EFCAB5: variants seen among roughly 807,000 people sequenced by gnomAD.
EFCAB5 encodes the protein EF-hand calcium-binding domain-containing protein 5.
Under a neutral mutation model 167.9 loss-of-function variants are expected in EFCAB5, and 131 were observed. The ratio of observed to expected loss-of-function variants is 0.78; its 90% CI spans 0.68 to 0.90. The LOEUF is 0.90. Among genes scored for constraint, EFCAB5 ranks in the 40% least tolerant of loss-of-function variants. EFCAB5 has a pLI of 0.00. For synonymous variants in EFCAB5, 574 were observed against 602.8 expected (o/e 0.95, Z 0.70); for missense variants, 1,663 against 1,745.2 (o/e 0.95, Z 0.84).
intron 4 of EFCAB5, among the ~76,000 whole-genome samples, chr17:29,984,476 T>G (rs2068240393): frequency 6.6e-6 from 1 of 152,034 alleles, no homozygotes; most frequent in African/African-American, 2.4e-5. Flanking sequence ...TCCCAGCACT[T>G]TGGGAGGCCG....
intron 6 of EFCAB5, among the ~76,000 whole-genome samples, chr17:29,997,344 C>T (rs2068568327): frequency 1.3e-5 from 2 of 151,742 alleles, no homozygotes; most frequent in African/African-American, 4.8e-5. Flanking sequence ...AGTAGTCAGA[C>T]ATTTCTACCT....
At chr17:30,092,495 C>A (rs1039928976) in intron 21 of EFCAB5, among the ~76,000 whole-genome samples, 2 of 152,158 alleles carry the variant, frequency 1.3e-5, no homozygotes, top group African/African-American at 4.8e-5. Context: ...TCAAGCAATT[C>A]TCCTGCCTCA....
At chr17:30,073,038 TC>T in intron 14 of EFCAB5, 2 of 598,322 alleles carry the variant, frequency 3.3e-6, no homozygotes, top group Non-Finnish European at 3.0e-6. Flanking sequence ...TCCTGTGTCC[TC>T]CCCTCCCCAT....
chr17:29,955,198 T>A (rs2067589259), intron 3 of EFCAB5, among the ~76,000 whole-genome samples: 1 of 152,004 alleles, frequency 6.6e-6, no homozygotes, highest in South Asian at 2.1e-4. Flanking sequence ...GGATGATTGG[T>A]TTTGGAATGA....
chr17:30,086,922 G>T (rs993224422), intron 18 of EFCAB5, 141 bp from the exon 19 acceptor site: 6 of 614,722 alleles, frequency 9.8e-6, no homozygotes, highest in Non-Finnish European at 1.6e-5. Flanking sequence ...GTTCTCTAAT[G>T]GTACTAAGTA....
chr17:29,949,547 A>T (rs76857953), intron 3 of EFCAB5, among the ~76,000 whole-genome samples: 2 of 152,360 alleles, frequency 1.3e-5, no homozygotes, highest in East Asian at 3.9e-4. Flanking sequence ...AAGGTTTAGG[A>T]TGTCCAACCA....
At chr17:30,053,194 TA>T in intron 9 of EFCAB5, 60 bp from the exon 10 acceptor site, 1 of 1,506,980 alleles carries the variant, frequency 6.6e-7, no homozygotes. Context: ...ATTAATTTAA[TA>T]GCTCTAATTC....
At chr17:30,084,763 C>T (rs1322902777) in intron 18 of EFCAB5, among the ~76,000 whole-genome samples, 1 of 152,142 alleles carries the variant, frequency 6.6e-6, no homozygotes, top group Non-Finnish European at 1.5e-5. Flanking sequence ...TCCATGGGCT[C>T]TTTGGCCCTT....
chr17:29,944,771 G>A (rs149544744), intron 3 of EFCAB5, among the ~76,000 whole-genome samples: 8 of 151,962 alleles, frequency 5.3e-5, no homozygotes, highest in African/African-American at 1.7e-4. Context: ...TTACAAGCAC[G>A]TGCCATCACA....
rs897443215 is a variant in EFCAB5 at position 30,053,521 on chromosome 17, A to G, written c.1567A>G (p.Ile523Val). 7.4e-6 allele frequency: 12 copies of G among 1,613,918 alleles called. No homozygotes were observed. In the Admixed American group the frequency reaches 8.3e-5, roughly 11 times the overall value. Residue 523 changes from isoleucine (I) to valine (V), a missense_variant, in exon 10 of 23, where the codon ATT (isoleucine) becomes GTT (valine). Physicochemically the swap from Ile to Val is conservative, Grantham distance 29. Transcript: ENST00000394835. ...AGAACAAGGACCACAAAGAATTTCA[A>G]TTGAAGAACAACAACAAGGCAAAAA... Reference protein sequence around the residue: ...TAEQGPQRISIEEQQQGKKPT... With the variant: ...TAEQGPQRISVEEQQQGKKPT...
At chr17:30,003,131 C>T (rs1417032997) in intron 7 of EFCAB5, among the ~76,000 whole-genome samples, 5 of 146,840 alleles carry the variant, frequency 3.4e-5, no homozygotes, top group South Asian at 4.3e-4. Context: ...CTCTGTTGTT[C>T]GGGTAAATTC....
chr17:30,082,958 T>C lies in EFCAB5; in HGVS notation c.3494T>C (p.Val1165Ala). Residue 1165 changes from valine to alanine, a missense_variant, in exon 18 of 23, where the codon GTG becomes GCG. Physicochemically the swap from Val to Ala is moderately conservative, Grantham distance 64. Transcript: ENST00000394835. ...VHSREHILHI[V>A]ITGIGWLYDV... ...AGCCGGGAGCACATTCTGCATATTG[T>C]GATCACTGGCATAGGCTGGCTTTAT... 1.2e-6 allele frequency: 2 copies of C among 1,614,038 alleles called. No homozygotes were observed. The highest frequency in any genetic ancestry group is 1.7e-6 in the Non-Finnish European group (2 of 1,179,902).
chr17:30,084,706 TTCTC>T lies in EFCAB5; in HGVS notation c.3579+1669_3579+1672del, dbSNP rs373228120. ...TTCTGCAGCCCCTCCAGATTCACATTTCTCTCTCTTCTCCAGGCTGCTCTGTGTC... is the reference window on the plus strand; with the variant it reads ...TTCTGCAGCCCCTCCAGATTCACATTTCTCTTCTCCAGGCTGCTCTGTGTC... On this transcript the variant is annotated intron_variant, in intron 18 of 22. Transcript: ENST00000394835. 8.0e-3 allele frequency among the ~76,000 whole-genome samples: 1,220 copies of T among 151,952 alleles called. 19 individuals carry two copies. Among genetic ancestry groups the T allele is most frequent in the African/African-American group, 0.027 (1,117 of 41,292 alleles).
chr17:30,092,727 G>T, intron 21 of EFCAB5, 113 bp from the exon 22 acceptor site: 1 of 654,960 alleles, frequency 1.5e-6, no homozygotes, highest in Non-Finnish European at 2.5e-6. Context: ...ACCATTGATT[G>T]GTTTTGCCTA....
At chr17:30,062,578 C>A (rs2070453340) in intron 14 of EFCAB5, among the ~76,000 whole-genome samples, 1 of 152,210 alleles carries the variant, frequency 6.6e-6, no homozygotes, top group African/African-American at 2.4e-5. Flanking sequence ...TGCCCTGACC[C>A]TTGTGGCCCG....
At chr17:30,031,711 C>T (rs2069483937) in intron 7 of EFCAB5, 1 of 152,134 alleles carries the variant, frequency 6.6e-6, no homozygotes, top group Non-Finnish European at 1.5e-5. Flanking sequence ...TAACTGTGTG[C>T]ATTGATCCAT....
intron 8 of EFCAB5, among the ~76,000 whole-genome samples, chr17:30,048,344 TAA>T (rs112459093): frequency 2.1e-5 from 3 of 146,240 alleles, no homozygotes; most frequent in African/African-American, 2.5e-5. Context: ...GCCAGAATGT[TAA>T]AAAAAAAAAT....
chr17:30,072,358 C>A (rs1264885914), intron 14 of EFCAB5, among the ~76,000 whole-genome samples: 3 of 151,982 alleles, frequency 2.0e-5, no homozygotes, highest in East Asian at 1.9e-4. Flanking sequence ...ACAACAACAA[C>A]AAAAAACATT....
chr17:29,986,637 ATTTTTTT>A (rs911310972), intron 4 of EFCAB5, among the ~76,000 whole-genome samples: 4 of 58,056 alleles, frequency 6.9e-5, no homozygotes, highest in Admixed American at 2.4e-4. Flanking sequence ...GAGTATATTC[ATTTTTTT>A]TTTTTTTTTT....
Sources: allele counts gnomAD v4.1 joint callset (sites outside exome capture counted in the v4.1 genomes callset), GRCh38; gene constraint gnomAD v4.1.1; transcripts MANE v1.5; gene names NCBI Gene and HGNC (gene_info 2026-07-23, HGNC 2026-07-21).